HNRNPA1L2: variants seen among roughly 807,000 people sequenced by gnomAD.
HNRNPA1L2 encodes the protein heterogeneous nuclear ribonucleoprotein A1-like 2.
HNRNPA1L2 carries 10 observed loss-of-function variants against 18.2 expected under a neutral mutation model. The ratio of observed to expected loss-of-function variants is 0.55; its 90% CI spans 0.34 to 0.93. The LOEUF (loss-of-function observed/expected upper bound fraction) is 0.93. Among genes scored for constraint, HNRNPA1L2 ranks in the 40% least tolerant of loss-of-function variants. HNRNPA1L2 has a pLI of 0.02. For synonymous variants in HNRNPA1L2, 124 were observed against 138.6 expected (o/e 0.89, Z 0.74); for missense variants, 308 against 394.4 (o/e 0.78, Z 1.85).
rs991385147 is a variant in HNRNPA1L2 at position 52,643,761 on chromosome 13, T to C, written c.*306T>C. On this transcript the variant is annotated 3_prime_UTR_variant, in exon 1 of 1. Coordinates refer to ENST00000357495, the MANE Select transcript of HNRNPA1L2 (RefSeq NM_001389320.1). ...TTGATTGCTAAATGTAATAGTCTGA[T>C]TGTGACGCTGAATAAATGTCTCTAA... 17 of 416,938 alleles carry C rather than the reference T, an allele frequency of 4.1e-5. No homozygotes were observed. The highest frequency in any genetic ancestry group is 1.3e-4 in the South Asian group (5 of 38,258). 25.8% of individuals were successfully genotyped at this position (416,938 alleles called of 1,614,324 possible). A position where few individuals can be genotyped will look rare whatever the true frequency, so the allele number is the denominator to read the frequency against.
chr13:52,631,795 A>G, the HNRNPA1L2 span, among the ~76,000 whole-genome samples: 2 of 152,234 alleles, frequency 1.3e-5, no homozygotes, highest in Non-Finnish European at 2.9e-5. Context: ...ACAGTTGATT[A>G]TCAAGTTTGC....
At chr13:52,618,817 A>T in the HNRNPA1L2 span, among the ~76,000 whole-genome samples, 3 of 152,180 alleles carry the variant, frequency 2.0e-5, no homozygotes, top group Admixed American at 2.0e-4. Flanking sequence ...CAGTGGAAAC[A>T]AACTCAGGTG....
At chr13:52,619,062 C>T in the HNRNPA1L2 span, among the ~76,000 whole-genome samples, 1 of 152,158 alleles carries the variant, frequency 6.6e-6, no homozygotes, top group Non-Finnish European at 1.5e-5. Flanking sequence ...GGCTGGAGTG[C>T]AATGGCACGA....
At chr13:52,634,747 C>T in the HNRNPA1L2 span, among the ~76,000 whole-genome samples, 68,987 of 152,004 alleles carry the variant, frequency 0.45, 15,846 homozygotes, top group Admixed American at 0.51. Flanking sequence ...CTGGTTATCC[C>T]AGAGTCGACA....
chr13:52,639,332 G>C (rs1472297315), upstream of HNRNPA1L2, among the ~76,000 whole-genome samples: 1 of 152,158 alleles, frequency 6.6e-6, no homozygotes, highest in Non-Finnish European at 1.5e-5. Context: ...TCTAAGCTCT[G>C]ATGCTCAGTA....
At chr13:52,628,876 A>AT in the HNRNPA1L2 span, among the ~76,000 whole-genome samples, 4 of 152,032 alleles carry the variant, frequency 2.6e-5, no homozygotes, top group Non-Finnish European at 4.4e-5. Context: ...AGGTTTCTTT[A>AT]TTTTTTTATT....
At chr13:52,639,718 C>CAAAAAAAAAAAAAAAAAAAAAAAA (rs1961585637), upstream of HNRNPA1L2, among the ~76,000 whole-genome samples, 7 of 119,168 alleles carry the variant, frequency 5.9e-5, no homozygotes, top group African/African-American at 2.3e-4. Flanking sequence ...AAAAAAAAAT[C>CAAAAAAAAAAAAAAAAAAAAAAAA]AAAACTATCC....
chr13:52,629,710 ACTGTGTAT>A, the HNRNPA1L2 span, among the ~76,000 whole-genome samples: 1 of 152,200 alleles, frequency 6.6e-6, no homozygotes, highest in Non-Finnish European at 1.5e-5. Flanking sequence ...AATGCCTAAT[ACTGTGTAT>A]TCATTTACCC....
chr13:52,634,240 T>C, the HNRNPA1L2 span, among the ~76,000 whole-genome samples: 11 of 152,180 alleles, frequency 7.2e-5, no homozygotes, highest in Non-Finnish European at 1.6e-4. Context: ...ATCCGTTAAG[T>C]GTGCATCAGA....
chr13:52,622,150 G>A, the HNRNPA1L2 span: 10 of 163,756 alleles, frequency 6.1e-5, no homozygotes, highest in African/African-American at 1.4e-4. Flanking sequence ...TTAAGGGCAC[G>A]AAAGTTGAAT....
At chr13:52,628,416 C>G in the HNRNPA1L2 span, among the ~76,000 whole-genome samples, 110 of 152,020 alleles carry the variant, frequency 7.2e-4, no homozygotes, top group Non-Finnish European at 1.2e-3. Flanking sequence ...GCCCTCCAGT[C>G]TGGGCGACAG....
chr13:52,631,145 A>G, the HNRNPA1L2 span, among the ~76,000 whole-genome samples: 1 of 152,142 alleles, frequency 6.6e-6, no homozygotes, highest in African/African-American at 2.4e-5. Context: ...TATCAACCCC[A>G]GACAACCCAG....
chr13:52,639,982 C>CCA (rs1961604571), upstream of HNRNPA1L2, among the ~76,000 whole-genome samples: 2 of 149,782 alleles, frequency 1.3e-5, no homozygotes, highest in Non-Finnish European at 1.5e-5. Context: ...ACTGTCACCT[C>CCA]CCAGGGTTCA....
the HNRNPA1L2 span, among the ~76,000 whole-genome samples, chr13:52,626,123 T>TTCCATATCCTATC: frequency 6.6e-6 from 1 of 152,168 alleles, no homozygotes; most frequent in Non-Finnish European, 1.5e-5. Flanking sequence ...TATCAGATTT[T>TTCCATATCCTATC]AGATCTTCCA....
chr13:52,638,696 T>A (rs779277570), upstream of HNRNPA1L2, among the ~76,000 whole-genome samples: 3 of 152,236 alleles, frequency 2.0e-5, no homozygotes, highest in Non-Finnish European at 4.4e-5. Flanking sequence ...TGGGAAGATT[T>A]CATTCTAAGT....
chr13:52,619,886 A>C, the HNRNPA1L2 span, among the ~76,000 whole-genome samples: 1 of 139,414 alleles, frequency 7.2e-6, no homozygotes, highest in Non-Finnish European at 1.5e-5. Context: ...GCGCCACTGC[A>C]CTCTAGCCTG....
upstream of HNRNPA1L2, among the ~76,000 whole-genome samples, chr13:52,639,075 C>G (rs1053616647): frequency 1.2e-4 from 18 of 152,122 alleles, no homozygotes; most frequent in Non-Finnish European, 5.9e-5. Context: ...CACATGCAGA[C>G]GGTCTGGGGC....
At chr13:52,642,331 G>T, upstream of HNRNPA1L2, 1 of 919,422 alleles carries the variant, frequency 1.1e-6, no homozygotes, top group Non-Finnish European at 1.7e-6. Flanking sequence ...ACTAAAAAAT[G>T]TTCAGGCCCA....
chr13:52,631,756 T>A, the HNRNPA1L2 span, among the ~76,000 whole-genome samples: 1 of 152,242 alleles, frequency 6.6e-6, no homozygotes, highest in African/African-American at 2.4e-5. Flanking sequence ...GTAAGTTTAT[T>A]CAAGTAAATA....
Sources: allele counts gnomAD v4.1 joint callset (sites outside exome capture counted in the v4.1 genomes callset), GRCh38; gene constraint gnomAD v4.1.1; transcripts MANE v1.5; gene names NCBI Gene and HGNC (gene_info 2026-07-23, HGNC 2026-07-21).